The following RNF2 variants were observed in gnomAD, a reference collection of about 807,000 sequenced individuals.
The protein encoded by RNF2 is E3 ubiquitin-protein ligase RING2.
RNF2 carries 6 observed loss-of-function variants against 37.2 expected under a neutral mutation model. That is an observed-to-expected ratio of 0.16 (90% CI 0.09 to 0.32). RNF2 has a LOEUF of 0.32. Ranked by LOEUF, RNF2 falls within the 10% of genes least tolerant of loss-of-function variation. RNF2 has a pLI of 1.00. For missense variants in RNF2, 251 were observed against 404.0 expected, an observed-to-expected ratio of 0.62 and a Z score of 3.25; for synonymous variants, 133 against 132.7, an observed-to-expected ratio of 1.00 and a Z score of -0.02.
At chr1:185,051,620 A>G (rs910595166) in intron 1 of RNF2, among the ~76,000 whole-genome samples, 1 of 151,878 alleles carries the variant, frequency 6.6e-6, no homozygotes, top group Non-Finnish European at 1.5e-5. Flanking sequence ...GAGTTTCTAT[A>G]TTTAAAAAAG....
At chr1:185,081,059 G>T (rs1480818280) in intron 1 of RNF2, among the ~76,000 whole-genome samples, 1 of 152,150 alleles carries the variant, frequency 6.6e-6, no homozygotes, top group Non-Finnish European at 1.5e-5. Context: ...TAGAAATAAT[G>T]GCACATGTGT....
chr1:185,088,822 G>T (rs1355001556), intron 2 of RNF2, among the ~76,000 whole-genome samples: 1 of 151,968 alleles, frequency 6.6e-6, no homozygotes, highest in African/African-American at 2.4e-5. Flanking sequence ...ATCCATGCAA[G>T]TGAGGTGCTG....
chr1:185,097,242 T>A (rs983372707), intron 4 of RNF2, among the ~76,000 whole-genome samples: 2 of 152,204 alleles, frequency 1.3e-5, no homozygotes, highest in African/African-American at 4.8e-5. Context: ...TATCTGAGCT[T>A]GTTAGAGAGC....
At chr1:185,073,059 CTTTT>C (rs5779240) in intron 1 of RNF2, among the ~76,000 whole-genome samples, 5 of 136,946 alleles carry the variant, frequency 3.7e-5, no homozygotes, top group Admixed American at 7.2e-5. Flanking sequence ...CTACGACTTG[CTTTT>C]TTTTTTTTTT....
chr1:185,057,227 C>A (rs1279942594), intron 1 of RNF2, among the ~76,000 whole-genome samples: 1 of 152,090 alleles, frequency 6.6e-6, no homozygotes, highest in African/African-American at 2.4e-5. Flanking sequence ...GGGAGGATTG[C>A]TTGAACCCAG....
intron 1 of RNF2, among the ~76,000 whole-genome samples, chr1:185,058,968 T>C (rs557326838): frequency 6.6e-6 from 1 of 152,228 alleles, no homozygotes; most frequent in Non-Finnish European, 1.5e-5. Flanking sequence ...AATATTGTGC[T>C]AATTTTAGAT....
chr1:185,062,036 T>A (rs2102161959), intron 1 of RNF2, among the ~76,000 whole-genome samples: 1 of 152,364 alleles, frequency 6.6e-6, no homozygotes, highest in South Asian at 2.1e-4. Flanking sequence ...CCAGTATTCC[T>A]GTAATCAAGT....
rs545024324 is a variant in RNF2, at chr1:185,102,527, C to T, written c.*2226C>T. ...AATGTTGTGTAATGATCACCGCTGTCTACTTGTAAAACTTTTTCATCACCC... is the reference window on the plus strand; with the variant it reads ...AATGTTGTGTAATGATCACCGCTGTTTACTTGTAAAACTTTTTCATCACCC... On this transcript the variant is annotated 3_prime_UTR_variant, in exon 7 of 7. Coordinates refer to ENST00000367510, the MANE Select transcript of RNF2 (RefSeq NM_007212.4). 1 of 152,122 alleles carries T rather than the reference C, an allele frequency of 6.6e-6. No homozygotes were observed. Among genetic ancestry groups the T allele is most frequent in the Non-Finnish European group, 1.5e-5 (1 of 67,982 alleles). 9.4% of individuals were successfully genotyped at this position (152,122 alleles called of 1,614,324 possible).
At chr1:185,096,644 T>C (rs1481619762) in intron 4 of RNF2, among the ~76,000 whole-genome samples, 1 of 152,164 alleles carries the variant, frequency 6.6e-6, no homozygotes, top group African/African-American at 2.4e-5. Context: ...ATTTGTACTT[T>C]TGTGCCTGGT....
intron 1 of RNF2, among the ~76,000 whole-genome samples, chr1:185,048,138 T>C (rs1650170929): frequency 6.6e-6 from 1 of 152,212 alleles, no homozygotes; most frequent in Non-Finnish European, 1.5e-5. Context: ...TACATAAATA[T>C]TTTGACTGTG....
intron 1 of RNF2, among the ~76,000 whole-genome samples, chr1:185,049,746 C>T (rs540218147): frequency 3.8e-4 from 57 of 151,784 alleles, no homozygotes; most frequent in Non-Finnish European, 7.5e-4. Context: ...GTTCTATGGA[C>T]CCGGTGCTGG....
intron 1 of RNF2, among the ~76,000 whole-genome samples, chr1:185,073,971 A>G (rs997386121): frequency 6.6e-6 from 1 of 152,212 alleles, no homozygotes; most frequent in African/African-American, 2.4e-5. Flanking sequence ...CATTAAGCCC[A>G]TGCCTCATGT....
rs1454981621 is a variant in RNF2, at chr1:185,093,046, C to T, written c.249-15C>T. On this transcript the variant is annotated splice_polypyrimidine_tract_variant and intron_variant, in intron 3 of 6. Transcript: ENST00000367510. ...CTAGCATTGTTTACATTTGCTTTCC[C>T]CTCCTTTTATTTAGCAACAAAGAAT... 2.5e-6 allele frequency: 4 copies of T among 1,611,804 alleles called. No individual in the cohort carries two copies. Among genetic ancestry groups the T allele is most frequent in the South Asian group, 1.1e-5 (1 of 90,876 alleles).
intron 1 of RNF2, among the ~76,000 whole-genome samples, chr1:185,072,767 C>T (rs1207728271): frequency 2.0e-5 from 3 of 152,080 alleles, no homozygotes; most frequent in Non-Finnish European, 4.4e-5. Context: ...AGTGAAACCC[C>T]ATCTCTAATA....
chr1:185,073,380 G>C (rs868695312), intron 1 of RNF2, among the ~76,000 whole-genome samples: 18 of 152,112 alleles, frequency 1.2e-4, no homozygotes, highest in African/African-American at 4.1e-4. Context: ...ACAGACACAG[G>C]CTGCTTTGAG....
At chr1:185,048,779 C>G (rs549351085) in intron 1 of RNF2, among the ~76,000 whole-genome samples, 1 of 151,838 alleles carries the variant, frequency 6.6e-6, no homozygotes, top group African/African-American at 2.4e-5. Context: ...AAAAAAAAAT[C>G]ATGCTTGAAA....
At chr1:185,091,845 C>T (rs1337466416) in intron 3 of RNF2, 106 bp downstream of exon 3, 10 of 1,150,804 alleles carry the variant, frequency 8.7e-6, no homozygotes, top group Admixed American at 4.7e-5. Flanking sequence ...GACAGAGTTT[C>T]GCTTTTCTTG....
intron 1 of RNF2, among the ~76,000 whole-genome samples, chr1:185,050,216 G>A (rs912271581): frequency 6.6e-6 from 1 of 152,280 alleles, no homozygotes; most frequent in East Asian, 1.9e-4. Flanking sequence ...AAAATGAATC[G>A]AAAAAGGTCT....
At chr1:185,054,870 T>C (rs1288689778) in intron 1 of RNF2, among the ~76,000 whole-genome samples, 1 of 151,974 alleles carries the variant, frequency 6.6e-6, no homozygotes, top group East Asian at 1.9e-4. Context: ...GCTATTTTTT[T>C]TCTATTTTTG....
Sources: gnomAD v4.1 joint callset for allele counts (sites outside exome capture counted in the v4.1 genomes callset) on GRCh38, gnomAD v4.1.1 for gene constraint, MANE v1.5 for transcripts, NCBI Gene and HGNC (gene_info 2026-07-23, HGNC 2026-07-21) for gene names.